RAD51B: variants seen among roughly 807,000 people sequenced by gnomAD.
RAD51B encodes the protein DNA repair protein RAD51 homolog 2.
Under a neutral mutation model 42.2 loss-of-function variants are expected in RAD51B, and 38 were observed. The observed-to-expected ratio is 0.90, with a 90% CI of 0.70 to 1.18. The LOEUF (loss-of-function observed/expected upper bound fraction) is 1.18. Among genes scored for constraint, RAD51B ranks in the 50% most tolerant of loss-of-function variants. The pLI is 0.00. For missense variants in RAD51B, 373 were observed against 400.7 expected (o/e 0.93, Z 0.59); for synonymous variants, 154 against 145.2 (o/e 1.06, Z -0.43).
chr14:68,342,775 A>G (rs2082597567), intron 8 of RAD51B, among the ~76,000 whole-genome samples: 1 of 152,224 alleles, frequency 6.6e-6, no homozygotes, highest in Admixed American at 6.5e-5. Flanking sequence ...TGGCCTCTAC[A>G]TCTTGTAAAT....
downstream of RAD51B, among the ~76,000 whole-genome samples, chr14:68,479,382 C>T (rs943813495): frequency 1.3e-5 from 2 of 152,178 alleles, no homozygotes; most frequent in African/African-American, 4.8e-5. Context: ...AGGCCGTTGT[C>T]ACCTTCCCCT....
chr14:68,090,006 TA>T (rs1338823922), intron 7 of RAD51B, among the ~76,000 whole-genome samples: 1 of 152,188 alleles, frequency 6.6e-6, no homozygotes, highest in Non-Finnish European at 1.5e-5. Context: ...AGAAGTGCTA[TA>T]AAAAACTGAG....
At chr14:68,413,936 GT>G (rs72558263) in intron 9 of RAD51B, among the ~76,000 whole-genome samples, 102,120 of 151,200 alleles carry the variant, frequency 0.68, 34,704 homozygotes, top group Admixed American at 0.72. Context: ...GTTTTTTAGG[GT>G]TTTTTTTCCA....
At chr14:67,832,005 G>A (rs748071931) in intron 3 of RAD51B, among the ~76,000 whole-genome samples, 3 of 152,182 alleles carry the variant, frequency 2.0e-5, no homozygotes, top group Non-Finnish European at 2.9e-5. Flanking sequence ...AGAAAAAAAT[G>A]TCTACGTAAG....
In RAD51B at chr14:68,411,464, T is replaced by C. The variant is rs766722487; in HGVS notation, c.894T>C (p.Asn298=). 3.9e-5 allele frequency: 63 copies of C among 1,614,026 alleles called. No individual in the cohort carries two copies. Among genetic ancestry groups the C allele is most frequent in the Admixed American group, 1.0e-4 (6 of 59,992 alleles). Residue 298 remains asparagine (N), a synonymous_variant, in exon 9 of 11, where the codon AAT becomes AAC. Transcript: ENST00000471583. ...GSSCVIAALG[N]TWSHSVNTRL... ...GCTGTGTGATAGCCGCACTAGGAAATACCTGGAGTCACAGTGTGAATACCC... is the reference window on the plus strand; with the variant it reads ...GCTGTGTGATAGCCGCACTAGGAAACACCTGGAGTCACAGTGTGAATACCC...
intron 9 of RAD51B, among the ~76,000 whole-genome samples, chr14:68,429,239 C>T (rs930063750): frequency 6.6e-6 from 1 of 152,080 alleles, no homozygotes; most frequent in African/African-American, 2.4e-5. Context: ...CTTTATAGCA[C>T]CATGATTTAT....
rs180865359 is a variant in RAD51B at position 67,869,254 on chromosome 14, G to A, written c.452+4115G>A. On this transcript the variant is annotated intron_variant, in intron 5 of 10. Coordinates refer to ENST00000471583, the MANE Select transcript of RAD51B (RefSeq NM_133510.4). ...GGAAGTGCTTAAAGGAGCTGATGGA[G>A]CTGAAAACCAAGGCTCGAGAACTAT... 8.2e-3 allele frequency among the ~76,000 whole-genome samples: 1,244 copies of A among 152,310 alleles called. 14 individuals are homozygous for A. The highest frequency in any genetic ancestry group is 0.028 in the African/African-American group (1,171 of 41,560).
chr14:68,335,709 G>C (rs993348713), intron 8 of RAD51B, among the ~76,000 whole-genome samples: 2 of 152,198 alleles, frequency 1.3e-5, no homozygotes, highest in Admixed American at 1.3e-4. Context: ...TTGTGGTCTT[G>C]AGAGCCTTGT....
intron 7 of RAD51B, among the ~76,000 whole-genome samples, chr14:68,160,534 A>G (rs2588822): frequency 0.016 from 2,416 of 152,336 alleles, 52 homozygotes; most frequent in African/African-American, 0.053. Context: ...TGAAAGACCA[A>G]TGACACTGAT....
intron 7 of RAD51B, among the ~76,000 whole-genome samples, chr14:67,953,732 A>C (rs555441255): frequency 3.0e-4 from 45 of 152,168 alleles, no homozygotes; most frequent in Non-Finnish European, 6.3e-4. Context: ...GTATGTGGGA[A>C]GTGAGGGATA....
intron 10 of RAD51B, among the ~76,000 whole-genome samples, chr14:68,619,962 A>C (rs1433300467): frequency 6.6e-6 from 1 of 152,138 alleles, no homozygotes; most frequent in African/African-American, 2.4e-5. Flanking sequence ...TCCTTGCCCC[A>C]AATATAATGT....
intron 10 of RAD51B, among the ~76,000 whole-genome samples, chr14:68,500,063 CGTT>C (rs1016838376): frequency 2.0e-5 from 3 of 152,140 alleles, no homozygotes; most frequent in African/African-American, 4.8e-5. Context: ...CTTTCCTAAA[CGTT>C]GTGCTGTGGA....
chr14:68,433,214 C>A (rs2085057574), intron 9 of RAD51B, among the ~76,000 whole-genome samples: 1 of 152,120 alleles, frequency 6.6e-6, no homozygotes, highest in Non-Finnish European at 1.5e-5. Context: ...GTGAATCTGA[C>A]AATTATGTGT....
At chr14:68,343,575 A>G (rs2082613341) in intron 8 of RAD51B, among the ~76,000 whole-genome samples, 1 of 152,268 alleles carries the variant, frequency 6.6e-6, no homozygotes, top group Admixed American at 6.5e-5. Flanking sequence ...CCAGAGAAAT[A>G]AAAAGCATTT....
chr14:68,067,597 G>T (rs1289550190), intron 7 of RAD51B, among the ~76,000 whole-genome samples: 1 of 151,898 alleles, frequency 6.6e-6, no homozygotes, highest in Non-Finnish European at 1.5e-5. Flanking sequence ...CACAAAGAAG[G>T]CATGATCCTT....
At position 67,929,241 on chromosome 14, in the gene RAD51B, C is replaced by A. The variant is rs116657276; in HGVS notation, c.756+42037C>A. Among the ~76,000 whole-genome samples the A allele has an allele frequency of 2.3e-3, 349 of 152,166 alleles. 1 individual carries two copies. Among genetic ancestry groups the A allele is most frequent in the African/African-American group, 8.1e-3 (338 of 41,552 alleles). Reference sequence around the variant, plus strand: ...TAGGTGTTTATTGCTATAAACTCCCCTCTTAACATACTTTTGCTATGTCCC... The same window carrying A: ...TAGGTGTTTATTGCTATAAACTCCCATCTTAACATACTTTTGCTATGTCCC... On this transcript the variant is annotated intron_variant, in intron 7 of 10. Transcript: ENST00000471583.
At position 68,420,886 on chromosome 14, in the gene RAD51B, C is replaced by T. The variant is rs536994441; in HGVS notation, c.957+9359C>T. Among the ~76,000 whole-genome samples the T allele has an allele frequency of 1.3e-3, 193 of 152,324 alleles. 2 individuals are homozygous for T. Among genetic ancestry groups the T allele is most frequent in the Admixed American group, 2.3e-3 (35 of 15,302 alleles). ...TGGTTCAAATGCCTCTGACAGTTAT[C>T]ACTGTTTTAATTTAGGAATAAAATG... On this transcript the variant is annotated intron_variant, in intron 9 of 10. Transcript: ENST00000471583.
intron 8 of RAD51B, among the ~76,000 whole-genome samples, chr14:68,355,267 T>TTGAG (rs1158956547): frequency 6.6e-6 from 1 of 152,226 alleles, no homozygotes; most frequent in Non-Finnish European, 1.5e-5. Flanking sequence ...ACAAATTTTA[T>TTGAG]TGAGTGGTAG....
At chr14:68,302,628 G>A (rs1381256626) in intron 8 of RAD51B, among the ~76,000 whole-genome samples, 1 of 152,218 alleles carries the variant, frequency 6.6e-6, no homozygotes, top group Non-Finnish European at 1.5e-5. Context: ...CTGCAGAGAT[G>A]AGAGCCCCAA....
Sources: gnomAD v4.1 joint callset for allele counts (sites outside exome capture counted in the v4.1 genomes callset) on GRCh38, gnomAD v4.1.1 for gene constraint, MANE v1.5 for transcripts, NCBI Gene and HGNC (gene_info 2026-07-23, HGNC 2026-07-21) for gene names.